Variants in SLC9A9 observed in about 807,000 individuals in gnomAD.
SLC9A9 encodes the protein sodium/hydrogen exchanger 9.
In SLC9A9, 62 loss-of-function variants were observed where a neutral mutation model predicts 77.8. That is an observed-to-expected ratio of 0.80 (90% confidence interval 0.65 to 0.98). SLC9A9 has a LOEUF of 0.98. Among genes scored for constraint, SLC9A9 ranks in the 50% least tolerant of loss-of-function variants. The pLI is 0.00. For synonymous variants in SLC9A9, 320 were observed against 283.5 expected, an observed-to-expected ratio of 1.13 and a Z score of -1.29; for missense variants, 775 against 774.9, an observed-to-expected ratio of 1.00 and a Z score of 0.00.
rs1225824201 is a variant in SLC9A9, at chr3:143,384,141, AG to A, written c.1470-2028del. On this transcript the variant is annotated intron_variant, in intron 12 of 15. Coordinates refer to ENST00000316549, the MANE Select transcript of SLC9A9 (RefSeq NM_173653.4). ...CATCTGAGGAGGAACAAGAAGGGGA[AG>A]GGGAGGAGAGGGAAAGGATGTCAGT... Among the ~76,000 whole-genome samples, 5 of 145,744 alleles carry A rather than the reference AG, an allele frequency of 3.4e-5. 1 individual carries two copies. Among genetic ancestry groups the A allele is most frequent in the Non-Finnish European group, 7.5e-5 (5 of 66,616 alleles).
chr3:143,545,239 C>G (rs913074630), intron 9 of SLC9A9, among the ~76,000 whole-genome samples: 3 of 152,136 alleles, frequency 2.0e-5, no homozygotes, highest in African/African-American at 7.2e-5. Context: ...ACTCTACACC[C>G]AAACTCCAAA....
Position 143,463,133 on chromosome 3 carries a change from T to C in SLC9A9, c.1469+3904A>G, listed in dbSNP as rs145158741. On this transcript the variant is annotated intron_variant, in intron 12 of 15. Transcript: ENST00000316549. ...GTCAAAATTTGGAAGCTGTAAAGGT[T>C]ATCTTGTTGAGGGCACTTTTCTAAT... is the stretch of plus-strand genomic sequence containing the variant. Among the ~76,000 whole-genome samples, 271 of 152,344 alleles carry C rather than the reference T, an allele frequency of 1.8e-3. 2 individuals are homozygous for C. The highest frequency in any genetic ancestry group is 6.2e-3 in the African/African-American group (256 of 41,578).
chr3:143,821,158 A>T (rs2009156858), intron 2 of SLC9A9, among the ~76,000 whole-genome samples: 2 of 152,224 alleles, frequency 1.3e-5, no homozygotes, highest in African/African-American at 4.8e-5. Flanking sequence ...TTTTAAATGC[A>T]TTTAAGCACC....
intron 6 of SLC9A9, among the ~76,000 whole-genome samples, chr3:143,620,988 G>C (rs374121148): frequency 6.6e-6 from 1 of 152,292 alleles, no homozygotes; most frequent in East Asian, 1.9e-4. Flanking sequence ...TGGCTCAGAG[G>C]GTCCTATGCC....
At chr3:143,340,023 T>A (rs1227454598) in intron 14 of SLC9A9, among the ~76,000 whole-genome samples, 5 of 152,188 alleles carry the variant, frequency 3.3e-5, no homozygotes, top group Non-Finnish European at 7.3e-5. Context: ...ACACGAGAAC[T>A]TTTTGCATCG....
At chr3:143,661,170 G>A (rs73871013) in intron 5 of SLC9A9, among the ~76,000 whole-genome samples, 265 of 152,258 alleles carry the variant, frequency 1.7e-3, no homozygotes, top group African/African-American at 6.0e-3. Flanking sequence ...AAGTCTGAGG[G>A]GAGCAAGCCA....
chr3:143,448,185 A>AG (rs1420393650), intron 12 of SLC9A9, among the ~76,000 whole-genome samples: 1 of 152,186 alleles, frequency 6.6e-6, no homozygotes, highest in Non-Finnish European at 1.5e-5. Context: ...AATAGGGCAT[A>AG]GCTCGAAAGA....
intron 6 of SLC9A9, among the ~76,000 whole-genome samples, chr3:143,631,389 T>A (rs955602529): frequency 6.6e-6 from 1 of 152,140 alleles, no homozygotes; most frequent in African/African-American, 2.4e-5. Context: ...GGAGACAACA[T>A]TTAATTCTTT....
At chr3:143,679,221 C>T (rs1223569919) in intron 5 of SLC9A9, among the ~76,000 whole-genome samples, 2 of 152,178 alleles carry the variant, frequency 1.3e-5, no homozygotes, top group South Asian at 2.1e-4. Flanking sequence ...CCTTGCCACA[C>T]AAAGCATGCA....
intron 13 of SLC9A9, among the ~76,000 whole-genome samples, chr3:143,373,177 A>C (rs948550449): frequency 6.6e-6 from 1 of 152,210 alleles, no homozygotes; most frequent in African/African-American, 2.4e-5. Context: ...ACAATTCACA[A>C]CTGTAAAGAT....
At chr3:143,402,262 T>A (rs1340151637) in intron 12 of SLC9A9, among the ~76,000 whole-genome samples, 1 of 152,202 alleles carries the variant, frequency 6.6e-6, no homozygotes, top group Non-Finnish European at 1.5e-5. Flanking sequence ...TATAAAAATT[T>A]AAAAATCCTT....
intron 3 of SLC9A9, among the ~76,000 whole-genome samples, chr3:143,795,292 A>AC (rs2008351099): frequency 2.7e-5 from 4 of 148,324 alleles, no homozygotes; most frequent in Admixed American, 2.1e-4. Flanking sequence ...AAAAAAAAAA[A>AC]AAAAAAAACC....
chr3:143,675,989 G>T (rs151290977), intron 5 of SLC9A9, among the ~76,000 whole-genome samples: 1 of 152,084 alleles, frequency 6.6e-6, no homozygotes, highest in Non-Finnish European at 1.5e-5. Context: ...CAGGTTTCTC[G>T]TGGGGGATGG....
At chr3:143,373,578 A>G (rs529157952) in intron 13 of SLC9A9, among the ~76,000 whole-genome samples, 1 of 139,788 alleles carries the variant, frequency 7.2e-6, no homozygotes, top group Non-Finnish European at 1.5e-5. Context: ...ACCAAAAACC[A>G]TTGTATCCCC....
chr3:143,270,007 A>G (rs1937854249), intron 14 of SLC9A9, among the ~76,000 whole-genome samples: 1 of 152,218 alleles, frequency 6.6e-6, no homozygotes, highest in Non-Finnish European at 1.5e-5. Context: ...AGTGGAGGCT[A>G]AAGAATCTGG....
intron 6 of SLC9A9, among the ~76,000 whole-genome samples, chr3:143,589,073 A>G (rs774725258): frequency 6.6e-6 from 1 of 152,224 alleles, no homozygotes; most frequent in Non-Finnish European, 1.5e-5. Flanking sequence ...AAGACCAAAT[A>G]TTAATCCCCA....
intron 14 of SLC9A9, among the ~76,000 whole-genome samples, chr3:143,347,930 T>C (rs906990645): frequency 3.3e-5 from 5 of 152,020 alleles, no homozygotes; most frequent in Admixed American, 2.6e-4. Context: ...TGGCATATCA[T>C]AAGTGAGGTA....
chr3:143,300,767 C>T (rs2030485090), intron 14 of SLC9A9, among the ~76,000 whole-genome samples: 1 of 152,168 alleles, frequency 6.6e-6, no homozygotes, highest in African/African-American at 2.4e-5. Flanking sequence ...AGTTTCTCAG[C>T]AGCCAAGTTG....
chr3:143,606,440 A>C (rs950037141), intron 6 of SLC9A9, among the ~76,000 whole-genome samples: 1,181 of 72,906 alleles, frequency 0.016, 12 homozygotes, highest in African/African-American at 0.033. Flanking sequence ...CTCTCTCTAT[A>C]TATATATATA....
Sources: allele counts gnomAD v4.1 joint callset (sites outside exome capture counted in the v4.1 genomes callset), GRCh38; gene constraint gnomAD v4.1.1; transcripts MANE v1.5; gene names NCBI Gene and HGNC (gene_info 2026-07-23, HGNC 2026-07-21).